ZNF346: variants seen among roughly 807,000 people sequenced by gnomAD.
ZNF346 encodes the protein zinc finger protein 346.
ZNF346 carries 23 observed loss-of-function variants against 33.7 expected under a neutral mutation model. The observed-to-expected ratio is 0.68, with a 90% CI of 0.49 to 0.97. The LOEUF is 0.97. Ranked by LOEUF, ZNF346 falls within the 50% of genes least tolerant of loss-of-function variation. The pLI, the probability that ZNF346 is intolerant of heterozygous loss-of-function variation, is 0.00. For missense variants in ZNF346, 340 were observed against 371.1 expected (o/e 0.92, Z 0.69); for synonymous variants, 134 against 142.4 (o/e 0.94, Z 0.42).
chr5:177,031,873 C>T (rs1197503752), intron 1 of ZNF346, among the ~76,000 whole-genome samples: 2 of 151,978 alleles, frequency 1.3e-5, no homozygotes, highest in African/African-American at 4.8e-5. Context: ...TTTGAACTTG[C>T]TGTTGAGCTC....
intron 5 of ZNF346, among the ~76,000 whole-genome samples, chr5:177,059,698 G>A (rs904306728): frequency 6.6e-6 from 1 of 152,162 alleles, no homozygotes; most frequent in Non-Finnish European, 1.5e-5. Context: ...TGGTCCCCCA[G>A]TTTCTTCAGC....
intron 1 of ZNF346, 160 bp downstream of exon 1, chr5:177,023,073 G>A (rs1776078589): frequency 6.9e-7 from 1 of 1,444,608 alleles, no homozygotes; most frequent in Admixed American, 2.0e-5. Flanking sequence ...GGCACCCCAA[G>A]AATCGGGCCC....
intron 1 of ZNF346, among the ~76,000 whole-genome samples, chr5:177,033,230 C>A (rs1777981302): frequency 6.6e-6 from 1 of 152,176 alleles, no homozygotes; most frequent in African/African-American, 2.4e-5. Flanking sequence ...GCGTGTGCCA[C>A]CACACCTGGA....
intron 4 of ZNF346, among the ~76,000 whole-genome samples, chr5:177,049,905 C>T (rs1227981688): frequency 1.3e-5 from 2 of 151,930 alleles, no homozygotes; most frequent in Non-Finnish European, 1.5e-5. Flanking sequence ...GGCGCAATCT[C>T]GGCTCGCTGC....
In ZNF346 at chr5:177,022,754, C is replaced by A; in HGVS notation, c.16C>A (p.Pro6Thr). Reference sequence around the variant, plus strand: ...TGCGGGGAAGATGGAGTATCCCGCGCCGGCCACGGTGCAGGCCGCGGACGG... The same window carrying A: ...TGCGGGGAAGATGGAGTATCCCGCGACGGCCACGGTGCAGGCCGCGGACGG... MEYPA[P>T]ATVQAADGGA... Residue 6 changes from proline to threonine, a missense_variant, in exon 1 of 7, where the codon CCG (proline) becomes ACG (threonine). By Grantham distance (38) the Pro-to-Thr change is conservative. Transcript: ENST00000358149. The A allele has an allele frequency of 6.4e-7, 1 of 1,555,478 alleles. No homozygotes were observed. The highest frequency in any genetic ancestry group is 1.9e-5 in the Admixed American group (1 of 52,082).
intron 1 of ZNF346, among the ~76,000 whole-genome samples, chr5:177,023,954 T>C (rs982661351): frequency 7.3e-5 from 11 of 151,098 alleles, no homozygotes. Context: ...ACTTCTCCAA[T>C]TTAAAAACAA....
intron 1 of ZNF346, among the ~76,000 whole-genome samples, chr5:177,039,013 TC>T (rs1778981502): frequency 6.6e-6 from 1 of 151,886 alleles, no homozygotes; most frequent in African/African-American, 2.4e-5. Flanking sequence ...TGCCTCTGTC[TC>T]CCAAGTAGCA....
chr5:177,037,810 C>G (rs150302356), intron 1 of ZNF346, among the ~76,000 whole-genome samples: 10 of 152,308 alleles, frequency 6.6e-5, no homozygotes, highest in East Asian at 5.8e-4. Flanking sequence ...CTTGTCACCT[C>G]TCATTACACT....
chr5:177,072,941 AAGATTTCTGCCTAAT>A (rs1783574905), downstream of ZNF346, among the ~76,000 whole-genome samples: 2 of 152,342 alleles, frequency 1.3e-5, no homozygotes, highest in South Asian at 4.1e-4. Flanking sequence ...ACTTGCAACC[AAGATTTCTGCCTAAT>A]ACTTGCTCCA....
rs373740242 is a variant in ZNF346, at chr5:177,031,641, A to G, written c.175+8728A>G. ...TGGAATGTGTAGATTAATGTTTTTC[A>G]TCAAATATGGGAGGTTTTTGGACAT... On this transcript the variant is annotated intron_variant, in intron 1 of 6. Transcript: ENST00000358149. Among the ~76,000 whole-genome samples, 11 of 152,064 alleles carry G rather than the reference A, an allele frequency of 7.2e-5. No homozygotes were observed. The East Asian group carries it at 1.9e-3, about 27-fold the overall frequency.
intron 5 of ZNF346, among the ~76,000 whole-genome samples, chr5:177,059,076 C>T (rs777705942): frequency 6.6e-6 from 1 of 152,184 alleles, no homozygotes; most frequent in Non-Finnish European, 1.5e-5. Context: ...CTGCTGGCTT[C>T]GTTCAAGGCC....
At chr5:177,024,281 C>T (rs1375273061) in intron 1 of ZNF346, among the ~76,000 whole-genome samples, 3 of 147,132 alleles carry the variant, frequency 2.0e-5, no homozygotes, top group South Asian at 2.1e-4. Flanking sequence ...CTGCAACCTC[C>T]GCCTCCTGGG....
intron 8 of ZNF346, among the ~76,000 whole-genome samples, chr5:177,075,175 T>A (rs547503796): frequency 1.5e-3 from 228 of 151,234 alleles, no homozygotes; most frequent in African/African-American, 5.2e-3. Context: ...CCAAAGCAGG[T>A]GGATCATGAG....
At chr5:177,073,260 A>G (rs1426294103) in intron 8 of ZNF346, among the ~76,000 whole-genome samples, 3 of 152,182 alleles carry the variant, frequency 2.0e-5, no homozygotes, top group African/African-American at 7.2e-5. Flanking sequence ...AAAAATGGGT[A>G]TGGTCTGGTA....
At chr5:177,033,690 A>G (rs1461316498) in intron 1 of ZNF346, among the ~76,000 whole-genome samples, 1 of 151,884 alleles carries the variant, frequency 6.6e-6, no homozygotes, top group African/African-American at 2.4e-5. Flanking sequence ...CACATGGCTA[A>G]TTTTTTGTAT....
intron 1 of ZNF346, among the ~76,000 whole-genome samples, chr5:177,030,034 C>A (rs953300320): frequency 2.0e-5 from 3 of 152,118 alleles, no homozygotes; most frequent in Non-Finnish European, 4.4e-5. Flanking sequence ...AGGAGAAAAC[C>A]CACACATATG....
intron 5 of ZNF346, among the ~76,000 whole-genome samples, chr5:177,057,982 C>A (rs564806588): frequency 7.4e-4 from 111 of 150,084 alleles, no homozygotes; most frequent in Admixed American, 2.5e-3. Context: ...CCACCACGGC[C>A]AGCTAATTTT....
At position 177,062,160 on chromosome 5, in the gene ZNF346, C is replaced by G. The variant is rs769135099; in HGVS notation, c.797+9C>G. 6.2e-6 allele frequency: 10 copies of G among 1,612,780 alleles called. No individual in the cohort carries two copies. The South Asian group carries it at 1.1e-4, about 18-fold the overall frequency. ...TTCAAACACAAGAACCAGTAAGTAA[C>G]CATTTTTTGAAATTCTAGGATCCAT... On this transcript the variant is annotated intron_variant, in intron 6 of 6. Transcript: ENST00000358149.
At chr5:177,054,484 C>T (rs573637811) in intron 5 of ZNF346, among the ~76,000 whole-genome samples, 37 of 152,166 alleles carry the variant, frequency 2.4e-4, no homozygotes, top group African/African-American at 8.4e-4. Context: ...CTGGAACCTC[C>T]GCCTTCCAGT....
Sources: gnomAD v4.1 joint callset for allele counts (sites outside exome capture counted in the v4.1 genomes callset) on GRCh38, gnomAD v4.1.1 for gene constraint, MANE v1.5 for transcripts, NCBI Gene and HGNC (gene_info 2026-07-23, HGNC 2026-07-21) for gene names.